The following FKBP15 variants were observed in gnomAD, a reference collection of about 807,000 sequenced individuals.
FKBP15 encodes FK506-binding protein 15.
Under a neutral mutation model 158.1 loss-of-function variants are expected in FKBP15, and 106 were observed. The ratio of observed to expected loss-of-function variants is 0.67; its 90% CI spans 0.57 to 0.79. The LOEUF (loss-of-function observed/expected upper bound fraction) is 0.79. Ranked by LOEUF, FKBP15 falls within the 30% of genes least tolerant of loss-of-function variation. The probability of loss-of-function intolerance (pLI) is 0.00; values close to 1 mark genes in which losing one functional copy is unlikely to be tolerated. For missense variants in FKBP15, 1,287 were observed against 1,479.1 expected, an observed-to-expected ratio of 0.87 and a Z score of 2.13; for synonymous variants, 547 against 548.6, an observed-to-expected ratio of 1.00 and a Z score of 0.04.
At chr9:113,176,251 C>G (rs891274463) in intron 21 of FKBP15, among the ~76,000 whole-genome samples, 1 of 152,084 alleles carries the variant, frequency 6.6e-6, no homozygotes, top group Non-Finnish European at 1.5e-5. Context: ...AAACATTAAA[C>G]GTGATACCAC....
Position 113,161,902 on chromosome 9 carries a change from C to A in FKBP15, c.*4176G>T. ...CAGGCCAAAGCACTCTGTGAACAGCCAGCCACTTGAGAGGCTCAGAAGGCT... is the reference window on the plus strand; with the variant it reads ...CAGGCCAAAGCACTCTGTGAACAGCAAGCCACTTGAGAGGCTCAGAAGGCT... On this transcript the variant is annotated 3_prime_UTR_variant, in exon 28 of 28. Coordinates refer to ENST00000238256, the MANE Select transcript of FKBP15 (RefSeq NM_015258.2). 1.5e-6 allele frequency: 1 copy of A among 681,416 alleles called. No individual in the cohort carries two copies. The highest frequency in any genetic ancestry group is 2.3e-5 in the Admixed American group (1 of 44,326). The allele number at this position is 681,416 out of a possible 1,614,324, so 42.2% of individuals were successfully genotyped here.
chr9:113,167,750 C>T lies in FKBP15; in HGVS notation c.3582+710G>A, dbSNP rs118126845. ...TGCATTTCAGAGCAGTCAAAATGGC[C>T]TAGGGACAGCCAGAACGGTTGTAAC... On this transcript the variant is annotated intron_variant, in intron 27 of 27. Transcript: ENST00000238256. Among the ~76,000 whole-genome samples, 74 of 152,298 alleles carry T rather than the reference C, an allele frequency of 4.9e-4. 1 individual carries two copies. The East Asian group carries it at 0.014, about 28-fold the overall frequency.
chr9:113,166,054 C>A lies in FKBP15; in HGVS notation c.*24G>T. ...TGCTTAGGGAAGGGTTGCAGAGAAA[C>A]CTTTGCACCAGTTTCCTGGGTCTTC... On this transcript the variant is annotated 3_prime_UTR_variant, in exon 28 of 28. Coordinates refer to ENST00000238256, the MANE Select transcript of FKBP15 (RefSeq NM_015258.2). 2 of 1,606,990 alleles carry A rather than the reference C, an allele frequency of 1.2e-6. No homozygotes were observed. Among genetic ancestry groups the A allele is most frequent in the Non-Finnish European group, 1.7e-6 (2 of 1,175,872 alleles).
chr9:113,196,919 G>A lies in FKBP15; in HGVS notation c.864+13C>T, dbSNP rs7866432. The A allele has an allele frequency of 1.2e-6, 2 of 1,612,530 alleles. No individual in the cohort carries two copies. Among genetic ancestry groups the A allele is most frequent in the African/African-American group, 1.3e-5 (1 of 74,908 alleles). The stretch of plus-strand genomic sequence containing the variant: ...GAGGACTCATCAAACAAAACACAGA[G>A]AGTTTCACTCACCCGCCTAACCTCC... On this transcript the variant is annotated intron_variant, in intron 9 of 27. Coordinates refer to ENST00000238256, the MANE Select transcript of FKBP15 (RefSeq NM_015258.2).
At chr9:113,208,353 C>T (rs959645133) in intron 2 of FKBP15, among the ~76,000 whole-genome samples, 3 of 151,354 alleles carry the variant, frequency 2.0e-5, no homozygotes, top group African/African-American at 7.3e-5. Context: ...AACAAAAAAA[C>T]AACAAAAAAA....
rs188205850 is a variant in FKBP15 at position 113,189,673 on chromosome 9, T to C, written c.1173+798A>G. ...TATAAAGTATATTCCAGAAAAAATT[T>C]TTTCAAGACCATCGCCCTTTCCTTG... On this transcript the variant is annotated intron_variant, in intron 12 of 27. Transcript: ENST00000238256. 1.1e-3 allele frequency among the ~76,000 whole-genome samples: 162 copies of C among 152,186 alleles called. 1 individual carries two copies. The highest frequency in any genetic ancestry group is 3.7e-3 in the African/African-American group (153 of 41,538).
intron 2 of FKBP15, among the ~76,000 whole-genome samples, chr9:113,210,217 G>A (rs377383604): frequency 2.6e-5 from 4 of 152,260 alleles, no homozygotes; most frequent in East Asian, 3.9e-4. Flanking sequence ...CTCACCACTG[G>A]GGGTGAGCTT....
At chr9:113,219,200 C>CT (rs1014681133) in intron 1 of FKBP15, among the ~76,000 whole-genome samples, 13 of 152,252 alleles carry the variant, frequency 8.5e-5, no homozygotes, top group African/African-American at 3.1e-4. Context: ...ATAGTAAACT[C>CT]TAAGAGGCCT....
intron 6 of FKBP15, among the ~76,000 whole-genome samples, chr9:113,202,100 C>T (rs1032359923): frequency 1.3e-5 from 2 of 151,932 alleles, no homozygotes; most frequent in African/African-American, 4.8e-5. Context: ...CACTATGTTG[C>T]CCAGGCTGAT....
chr9:113,172,130 G>C (rs1339270747), intron 23 of FKBP15, among the ~76,000 whole-genome samples: 1 of 151,884 alleles, frequency 6.6e-6, no homozygotes, highest in Admixed American at 6.6e-5. Flanking sequence ...TAGTTTGCTG[G>C]GAGTGATGGT....
intron 27 of FKBP15, among the ~76,000 whole-genome samples, chr9:113,167,556 C>T (rs376340263): frequency 6.6e-6 from 1 of 152,036 alleles, no homozygotes; most frequent in African/African-American, 2.4e-5. Flanking sequence ...GGAAGGGCTC[C>T]GATACATGCA....
chr9:113,170,997 ATTC>A lies in FKBP15; in HGVS notation c.2659-371_2659-369del, dbSNP rs373278536. Among the ~76,000 whole-genome samples the A allele has an allele frequency of 3.5e-4, 54 of 152,310 alleles. 1 individual carries two copies. The East Asian group carries it at 6.9e-3, about 20-fold the overall frequency. On this transcript the variant is annotated intron_variant, in intron 24 of 27. Coordinates refer to ENST00000238256, the MANE Select transcript of FKBP15 (RefSeq NM_015258.2). ...ATGCTGGGCACACTCCCCAAGCCCCATTCTTCTTCTGTGGTTAGAGGCCCTTCC... is the reference window on the plus strand; with the variant it reads ...ATGCTGGGCACACTCCCCAAGCCCCATTCTTCTGTGGTTAGAGGCCCTTCC...
intron 9 of FKBP15, among the ~76,000 whole-genome samples, chr9:113,196,535 C>T (rs1457289640): frequency 6.6e-6 from 1 of 152,018 alleles, no homozygotes; most frequent in Non-Finnish European, 1.5e-5. Context: ...AGGCGCATGC[C>T]ACCACGCCTG....
rs746697504 is a variant in FKBP15, at chr9:113,178,745, C to T, written c.1971G>A (p.Leu657=). 1.6e-5 allele frequency: 25 copies of T among 1,609,250 alleles called. No homozygotes were observed. The highest frequency in any genetic ancestry group is 2.1e-5 in the Non-Finnish European group (25 of 1,177,752). Residue 657 remains leucine, a synonymous_variant, in exon 20 of 28, where the codon CTG becomes CTA. Transcript: ENST00000238256. The part of the protein sequence containing the change: ...AATAQVSHLQ[L]KMTAHQKKET... ...CCTTTTTTTGGTGAGCAGTCATTTT[C>T]AGCTGCAGATGAGAGACCTGTGCAG...
chr9:113,219,511 T>C (rs1386647434), intron 1 of FKBP15, among the ~76,000 whole-genome samples: 1 of 152,160 alleles, frequency 6.6e-6, no homozygotes, highest in Admixed American at 6.5e-5. Flanking sequence ...GGAACAAAAA[T>C]AAACTATAAC....
chr9:113,170,483 C>A, intron 25 of FKBP15, 39 bp downstream of exon 25: 1 of 1,401,446 alleles, frequency 7.1e-7, no homozygotes, highest in Non-Finnish European at 1.0e-6. Flanking sequence ...CAACAAAATG[C>A]CCAATACGAT....
At chr9:113,211,649 T>G in intron 1 of FKBP15, 57 bp from the exon 2 acceptor site, 1 of 1,306,630 alleles carries the variant, frequency 7.7e-7, no homozygotes, top group African/African-American at 1.5e-5. Flanking sequence ...CCTGGAATTA[T>G]TATAAAAGCT....
At chr9:113,190,924 C>T (rs1458507840) in intron 11 of FKBP15, among the ~76,000 whole-genome samples, 1 of 152,124 alleles carries the variant, frequency 6.6e-6, no homozygotes, top group African/African-American at 2.4e-5. Flanking sequence ...GGTGACAGTA[C>T]CCTCACTCAA....
chr9:113,161,588 C>A lies in FKBP15; in HGVS notation c.*4490G>T. ...TCAAGGTTGGCAAAGCCAAGCTGCTCAACCAGGTACTGGTGAACCTGCCAA... is the reference window on the plus strand; with the variant it reads ...TCAAGGTTGGCAAAGCCAAGCTGCTAAACCAGGTACTGGTGAACCTGCCAA... On this transcript the variant is annotated 3_prime_UTR_variant, in exon 28 of 28. Coordinates refer to ENST00000238256, the MANE Select transcript of FKBP15 (RefSeq NM_015258.2). 1 of 1,614,044 alleles carries A rather than the reference C, an allele frequency of 6.2e-7. No individual in the cohort carries two copies. Among genetic ancestry groups the A allele is most frequent in the African/African-American group, 1.3e-5 (1 of 75,064 alleles).
Sources: allele counts gnomAD v4.1 joint callset (sites outside exome capture counted in the v4.1 genomes callset), GRCh38; gene constraint gnomAD v4.1.1; transcripts MANE v1.5; gene names NCBI Gene and HGNC (gene_info 2026-07-23, HGNC 2026-07-21).